Variants in SMPD3 observed in about 807,000 individuals in gnomAD.
SMPD3 encodes the protein nSMase-2.
A neutral mutation model predicts 55.7 loss-of-function variants in SMPD3; 21 were observed. The ratio of observed to expected loss-of-function variants is 0.38; its 90% CI spans 0.27 to 0.54. SMPD3 has a LOEUF of 0.54. Ranked by LOEUF, SMPD3 falls within the 20% of genes least tolerant of loss-of-function variation. The probability of loss-of-function intolerance (pLI) is 0.80; values close to 1 mark genes in which losing one functional copy is unlikely to be tolerated. For missense variants in SMPD3, 842 were observed against 899.6 expected (o/e 0.94, Z 0.82); for synonymous variants, 457 against 404.3 (o/e 1.13, Z -1.56).
intron 1 of SMPD3, among the ~76,000 whole-genome samples, chr16:68,415,998 C>A (rs1390816201): frequency 1.3e-5 from 2 of 152,154 alleles, no homozygotes; most frequent in Non-Finnish European, 1.5e-5. Flanking sequence ...ATTAGGGTAG[C>A]TATTTAAAGA....
chr16:68,365,519 C>T (rs1271223712), intron 3 of SMPD3, among the ~76,000 whole-genome samples: 2 of 115,740 alleles, frequency 1.7e-5, no homozygotes, highest in Non-Finnish European at 3.8e-5. Context: ...CCCCTGAAAT[C>T]TCAGGGGGTT....
chr16:68,416,728 AGTT>A (rs767283496), intron 1 of SMPD3, among the ~76,000 whole-genome samples: 24 of 152,090 alleles, frequency 1.6e-4, no homozygotes, highest in African/African-American at 4.8e-4. Flanking sequence ...TCCAGGCTGA[AGTT>A]GTTGTCACCC....
intron 1 of SMPD3, among the ~76,000 whole-genome samples, chr16:68,412,168 G>A (rs747590206): frequency 9.2e-5 from 14 of 152,216 alleles, no homozygotes; most frequent in Non-Finnish European, 2.1e-4. Flanking sequence ...AAAAGCCTAA[G>A]GAGGGGAGGG....
At chr16:68,366,336 C>G (rs894452221) in intron 3 of SMPD3, among the ~76,000 whole-genome samples, 1 of 152,232 alleles carries the variant, frequency 6.6e-6, no homozygotes, top group Non-Finnish European at 1.5e-5. Flanking sequence ...GTGCCCCTGG[C>G]TTTCTACAGC....
intron 1 of SMPD3, among the ~76,000 whole-genome samples, chr16:68,425,910 C>T (rs1181878860): frequency 1.3e-5 from 2 of 152,160 alleles, no homozygotes; most frequent in African/African-American, 2.4e-5. Context: ...ACATGTGTGT[C>T]TCTGAGGTGA....
intron 2 of SMPD3, among the ~76,000 whole-genome samples, chr16:68,385,545 C>T (rs1442031729): frequency 2.0e-5 from 3 of 152,210 alleles, no homozygotes; most frequent in Non-Finnish European, 4.4e-5. Flanking sequence ...ATCTATTTCC[C>T]CTTTTTTTCT....
At chr16:68,408,214 G>A (rs2090268655) in intron 1 of SMPD3, among the ~76,000 whole-genome samples, 2 of 152,122 alleles carry the variant, frequency 1.3e-5, no homozygotes, top group South Asian at 2.1e-4. Flanking sequence ...TTAAATAAAA[G>A]ATAATTGCAT....
At position 68,370,770 on chromosome 16, in the gene SMPD3, C is replaced by G. The variant is rs574284852; in HGVS notation, c.1323+89G>C. 2.6e-6 allele frequency: 4 copies of G among 1,520,200 alleles called. No individual in the cohort carries two copies. In the South Asian group the frequency reaches 5.0e-5, roughly 19 times the overall value. 94.2% of individuals were successfully genotyped at this position (1,520,200 alleles called of 1,614,324 possible). On this transcript the variant is annotated intron_variant, in intron 3 of 8. Transcript: ENST00000219334. ...CAACCTCCCACTCCAGCCCCCATGA[C>G]GATGAGGACTCCCCGCTGCAGCCCC...
intron 1 of SMPD3, among the ~76,000 whole-genome samples, chr16:68,444,687 C>T (rs2090596622): frequency 2.0e-5 from 3 of 152,162 alleles, no homozygotes; most frequent in Admixed American, 6.5e-5. Context: ...GACAAAGATA[C>T]AGGTATAAAT....
chr16:68,421,897 G>GATAT (rs2090398097), intron 1 of SMPD3, among the ~76,000 whole-genome samples: 1 of 152,212 alleles, frequency 6.6e-6, no homozygotes, highest in African/African-American at 2.4e-5. Flanking sequence ...TGTGGCAAAA[G>GATAT]GAACTTTGCA....
chr16:68,375,027 C>T (rs1305007531), intron 2 of SMPD3, among the ~76,000 whole-genome samples: 2 of 152,186 alleles, frequency 1.3e-5, no homozygotes, highest in Non-Finnish European at 2.9e-5. Context: ...TGAAGCAGGC[C>T]CATTCCTGAG....
chr16:68,384,642 T>TG (rs925092304), intron 2 of SMPD3, among the ~76,000 whole-genome samples: 1 of 152,120 alleles, frequency 6.6e-6, no homozygotes, highest in African/African-American at 2.4e-5. Flanking sequence ...GCCCTGGGGT[T>TG]GGGGGGTAAG....
chr16:68,405,845 T>C (rs894492991), intron 1 of SMPD3, among the ~76,000 whole-genome samples: 12 of 152,092 alleles, frequency 7.9e-5, no homozygotes, highest in African/African-American at 2.2e-4. Flanking sequence ...TGTGGGTGCA[T>C]GCACCTCTCA....
rs146214919 is a variant in SMPD3 at position 68,404,328 on chromosome 16, G to A, written c.-268-17669C>T. ...TCGGTCAGGCTGGTCTCGAACTCCC[G>A]ACCTCAGGTGATCTGCCCGCCTCAG... On this transcript the variant is annotated intron_variant, in intron 1 of 8. Coordinates refer to ENST00000219334, the MANE Select transcript of SMPD3 (RefSeq NM_018667.4). This position sits in a 1 kb window ranked among gnomAD's most constrained non-coding sequence, Gnocchi z 4.0. Among the ~76,000 whole-genome samples, 386 of 152,002 alleles carry A rather than the reference G, an allele frequency of 2.5e-3. 2 individuals carry two copies. The highest frequency in any genetic ancestry group is 8.9e-3 in the African/African-American group (368 of 41,460).
chr16:68,365,324 C>T (rs949096178), intron 3 of SMPD3, among the ~76,000 whole-genome samples: 4 of 152,204 alleles, frequency 2.6e-5, no homozygotes, highest in Non-Finnish European at 4.4e-5. Flanking sequence ...GGAGTGCTGG[C>T]GGCCATCTGT....
intron 2 of SMPD3, among the ~76,000 whole-genome samples, chr16:68,379,181 T>C (rs1181203060): frequency 1.3e-5 from 2 of 152,242 alleles, no homozygotes; most frequent in African/African-American, 4.8e-5. Flanking sequence ...GAGGCTCCCC[T>C]GAGTCCTGGG....
At chr16:68,361,808 G>T in intron 7 of SMPD3, 49 bp from the exon 8 acceptor site, 1 of 1,595,198 alleles carries the variant, frequency 6.3e-7, no homozygotes, top group Non-Finnish European at 8.5e-7. Context: ...CGCCCCTGTG[G>T]GCCTGGCAGG....
intron 8 of SMPD3, 39 bp downstream of exon 8, chr16:68,361,564 T>C: frequency 6.2e-6 from 10 of 1,600,680 alleles, no homozygotes; most frequent in Non-Finnish European, 6.8e-6. Context: ...CCCTGCTCTC[T>C]CTTTGCATGG....
intron 2 of SMPD3, among the ~76,000 whole-genome samples, chr16:68,383,143 T>G (rs542403051): frequency 1.3e-5 from 2 of 152,286 alleles, no homozygotes; most frequent in East Asian, 3.9e-4. Flanking sequence ...CCAGCCAGGT[T>G]TGTTTAACTT....
Sources: gnomAD v4.1 joint callset for allele counts (sites outside exome capture counted in the v4.1 genomes callset) on GRCh38, gnomAD v4.1.1 for gene constraint, Gnocchi (gnomAD v3.1) non-coding constraint, MANE v1.5 for transcripts, NCBI Gene and HGNC (gene_info 2026-07-23, HGNC 2026-07-21) for gene names.